Variants in CFAP299 observed in about 807,000 individuals in gnomAD.
CFAP299 encodes cilia- and flagella-associated protein 299.
Under a neutral mutation model 27.0 loss-of-function variants are expected in CFAP299, and 21 were observed. The ratio of observed to expected loss-of-function variants is 0.78; its 90% CI spans 0.55 to 1.12. The LOEUF (loss-of-function observed/expected upper bound fraction) is 1.12, where lower values mean the gene tolerates loss of function less well. CFAP299 is among the 50% of genes most tolerant of loss of function. CFAP299 has a pLI of 0.00. For synonymous variants in CFAP299, 104 were observed against 98.1 expected (o/e 1.06, Z -0.36); for missense variants, 310 against 276.6 (o/e 1.12, Z -0.86).
intron 3 of CFAP299, among the ~76,000 whole-genome samples, chr4:80,861,161 A>C (rs1732322287): frequency 6.6e-6 from 1 of 152,180 alleles, no homozygotes; most frequent in Non-Finnish European, 1.5e-5. Flanking sequence ...GTTTGATCTC[A>C]GACTGCTATG....
At chr4:80,603,080 G>A (rs1192762039) in intron 3 of CFAP299, among the ~76,000 whole-genome samples, 2 of 152,100 alleles carry the variant, frequency 1.3e-5, no homozygotes, top group African/African-American at 4.8e-5. Context: ...CTCTAAGCAT[G>A]ACACCAAACC....
At chr4:80,481,606 G>C (rs1578495311) in intron 2 of CFAP299, among the ~76,000 whole-genome samples, 2 of 151,964 alleles carry the variant, frequency 1.3e-5, no homozygotes, top group East Asian at 3.8e-4. Context: ...AACTGGAAGG[G>C]AGCTTACAGA....
At chr4:80,887,070 C>A (rs781125307) in intron 4 of CFAP299, among the ~76,000 whole-genome samples, 2 of 151,842 alleles carry the variant, frequency 1.3e-5, no homozygotes, top group Non-Finnish European at 2.9e-5. Context: ...ATGAAGCATA[C>A]CCATGGAATC....
chr4:80,388,094 TTCA>T (rs1228460047), intron 2 of CFAP299: 1 of 692,634 alleles, frequency 1.4e-6, no homozygotes. Flanking sequence ...ACTGTACACC[TTCA>T]CCACACCATT....
In CFAP299 at chr4:80,401,844, G is replaced by A. The variant is rs551474157; in HGVS notation, c.242+38960G>A. Among the ~76,000 whole-genome samples the A allele has an allele frequency of 6.9e-4, 105 of 152,290 alleles. 1 individual carries two copies. Among genetic ancestry groups the A allele is most frequent in the South Asian group, 4.1e-4 (2 of 4,822 alleles). Reference sequence around the variant, plus strand: ...CAATGCCAGCCCATGAAAGCAGTCGGGAAGGAGGTTGTACCCTGCAAAGCC... The same window carrying A: ...CAATGCCAGCCCATGAAAGCAGTCGAGAAGGAGGTTGTACCCTGCAAAGCC... On this transcript the variant is annotated intron_variant, in intron 2 of 5. Coordinates refer to ENST00000358105, the MANE Select transcript of CFAP299 (RefSeq NM_152770.3).
chr4:80,678,062 C>A (rs1400006844), intron 3 of CFAP299, among the ~76,000 whole-genome samples: 1 of 151,966 alleles, frequency 6.6e-6, no homozygotes, highest in African/African-American at 2.4e-5. Context: ...AATTTATCAT[C>A]AATCTAGTTG....
At chr4:80,651,280 T>TCTCTCTCTTA (rs11281171) in intron 3 of CFAP299, among the ~76,000 whole-genome samples, 6,453 of 120,494 alleles carry the variant, frequency 0.054, 463 homozygotes, top group African/African-American at 0.16. Flanking sequence ...TTTCTCTCTT[T>TCTCTCTCTTA]CTCTCTCTTA....
At chr4:80,558,365 TG>T (rs201681888) in intron 2 of CFAP299, among the ~76,000 whole-genome samples, 11,450 of 142,780 alleles carry the variant, frequency 0.08, 922 homozygotes, top group East Asian at 0.26. Flanking sequence ...TTTGTTTGTT[TG>T]TTTTTTTTTT....
intron 2 of CFAP299, among the ~76,000 whole-genome samples, chr4:80,475,635 C>G (rs959573051): frequency 6.6e-6 from 1 of 152,146 alleles, no homozygotes; most frequent in Non-Finnish European, 1.5e-5. Context: ...ATGTTAAAAC[C>G]AAGGTAGCTT....
chr4:80,767,004 G>A (rs555937489), intron 3 of CFAP299, among the ~76,000 whole-genome samples: 1 of 152,252 alleles, frequency 6.6e-6, no homozygotes, highest in Admixed American at 6.5e-5. Context: ...CAAGGCAGCA[G>A]TCCCCCCTTA....
chr4:80,962,327 G>A (rs1738384054), intron 5 of CFAP299, among the ~76,000 whole-genome samples: 1 of 151,906 alleles, frequency 6.6e-6, no homozygotes, highest in African/African-American at 2.4e-5. Context: ...GAACATATCT[G>A]TATAGGGAAT....
chr4:80,658,045 T>A lies in CFAP299; in HGVS notation c.333+74862T>A, dbSNP rs150437446. 1.4e-4 allele frequency among the ~76,000 whole-genome samples: 22 copies of A among 152,268 alleles called. No homozygotes were observed. The East Asian group carries it at 4.3e-3, about 29-fold the overall frequency. Reference sequence around the variant, plus strand: ...TGGCTCTCTGATTGTCTATTATTGGTGTGTAGCAATGCTTGTGATTTTTGC... The same window carrying A: ...TGGCTCTCTGATTGTCTATTATTGGAGTGTAGCAATGCTTGTGATTTTTGC... On this transcript the variant is annotated intron_variant, in intron 3 of 5. Coordinates refer to ENST00000358105, the MANE Select transcript of CFAP299 (RefSeq NM_152770.3).
At chr4:80,389,419 C>A (rs1578387263) in intron 2 of CFAP299, among the ~76,000 whole-genome samples, 1 of 152,082 alleles carries the variant, frequency 6.6e-6, no homozygotes, top group East Asian at 1.9e-4. Context: ...TAGTTCTGAT[C>A]CCACACCTGG....
chr4:80,585,711 G>C (rs1736400178), intron 3 of CFAP299, among the ~76,000 whole-genome samples: 1 of 152,124 alleles, frequency 6.6e-6, no homozygotes, highest in South Asian at 2.1e-4. Context: ...ACTGGCAGCA[G>C]TATATGGGGA....
chr4:80,568,410 G>A (rs977363247), intron 2 of CFAP299, among the ~76,000 whole-genome samples: 3 of 151,844 alleles, frequency 2.0e-5, no homozygotes, highest in Non-Finnish European at 2.9e-5. Flanking sequence ...TAGAAAAATC[G>A]CAACCAAAGT....
At chr4:80,897,662 G>T (rs1181004140) in intron 4 of CFAP299, among the ~76,000 whole-genome samples, 1 of 152,138 alleles carries the variant, frequency 6.6e-6, no homozygotes, top group African/African-American at 2.4e-5. Flanking sequence ...GACAGCTCCA[G>T]AAACATGTTT....
chr4:80,735,302 C>T (rs1327779669), intron 3 of CFAP299, among the ~76,000 whole-genome samples: 1 of 152,128 alleles, frequency 6.6e-6, no homozygotes, highest in Admixed American at 6.6e-5. Context: ...TATACTGCAA[C>T]ATTACTGAGT....
chr4:80,493,672 T>C (rs1731259392), intron 2 of CFAP299, among the ~76,000 whole-genome samples: 1 of 151,712 alleles, frequency 6.6e-6, no homozygotes, highest in Non-Finnish European at 1.5e-5. Flanking sequence ...TCATATTCAA[T>C]ACCATAGCTA....
At chr4:80,403,147 G>A (rs1241781801) in intron 2 of CFAP299, among the ~76,000 whole-genome samples, 1 of 152,246 alleles carries the variant, frequency 6.6e-6, no homozygotes. Context: ...TTTGGATAGC[G>A]ATAACAAACT....
Sources: gnomAD v4.1 joint callset for allele counts (sites outside exome capture counted in the v4.1 genomes callset) on GRCh38, gnomAD v4.1.1 for gene constraint, MANE v1.5 for transcripts, NCBI Gene and HGNC (gene_info 2026-07-23, HGNC 2026-07-21) for gene names.